Variants in PSCA observed in about 807,000 individuals in gnomAD.
The protein encoded by PSCA is prostate stem cell antigen.
PSCA carries 7 observed loss-of-function variants against 7.9 expected under a neutral mutation model. That is an observed-to-expected ratio of 0.89 (90% CI 0.51 to 1.67). The LOEUF is 1.67. PSCA is among the 40% of genes most tolerant of loss of function. The probability of loss-of-function intolerance (pLI) is 0.00; values close to 1 mark genes in which losing one functional copy is unlikely to be tolerated. For synonymous variants in PSCA, 61 were observed against 68.3 expected (o/e 0.89, Z 0.53); for missense variants, 151 against 147.9 (o/e 1.02, Z -0.11).
chr8:142,681,107 A>C, intron 1 of PSCA: 1 of 541,276 alleles, frequency 1.8e-6, no homozygotes, highest in Non-Finnish European at 3.3e-6. Context: ...CTCTTCTGAA[A>C]CACACGGTCA....
upstream of PSCA, chr8:142,680,469 T>C: frequency 6.5e-7 from 1 of 1,537,366 alleles, no homozygotes; most frequent in South Asian, 1.2e-5. Flanking sequence ...TGAGGCCATA[T>C]AAAGTCACCT....
At position 142,682,591 on chromosome 8, in the gene PSCA, C is replaced by T. The variant is rs781813249; in HGVS notation, c.*459C>T. On this transcript the variant is annotated 3_prime_UTR_variant, in exon 3 of 3. Transcript: ENST00000301258. ...AGTAGAACTGGAGGACAGGAGTCGA[C>T]GTGAGTTCCTGGGAGTCTCCAGAGA... 9 of 369,746 alleles carry T rather than the reference C, an allele frequency of 2.4e-5. No homozygotes were observed. Among genetic ancestry groups the T allele is most frequent in the Admixed American group, 3.3e-5 (1 of 29,852 alleles). 22.9% of individuals were successfully genotyped at this position (369,746 alleles called of 1,614,324 possible).
chr8:142,678,466 A>G (rs1554637998), upstream of PSCA, among the ~76,000 whole-genome samples: 1 of 152,242 alleles, frequency 6.6e-6, no homozygotes, highest in African/African-American at 2.4e-5. Context: ...TGAAGGAGAC[A>G]GCAGCGGCCA....
At chr8:142,680,457 T>G, upstream of PSCA, 2 of 1,500,158 alleles carry the variant, frequency 1.3e-6, no homozygotes, top group Non-Finnish European at 9.1e-7. Flanking sequence ...CCTCTCCCCA[T>G]TTGAGGCCAT....
rs372257395 is a variant in PSCA, at chr8:142,682,014, C to T, written c.227C>T (p.Thr76Met). ...TACTACGTGGGCAAGAAGAACATCA[C>T]GTGCTGTGACACCGACTTGTGCAAC... ...QDYYVGKKNITCCDTDLCNAS... is the reference protein window; with the variant it reads ...QDYYVGKKNIMCCDTDLCNAS... Residue 76 changes from threonine to methionine, a missense_variant, in exon 3 of 3, where the codon ACG becomes ATG. Transcript: ENST00000301258. The T allele has an allele frequency of 2.0e-5, 33 of 1,613,070 alleles. No individual in the cohort carries two copies. The highest frequency in any genetic ancestry group is 3.3e-4 in the Middle Eastern group (2 of 6,084).
upstream of PSCA, among the ~76,000 whole-genome samples, chr8:142,679,034 G>T (rs587743457): frequency 1.6e-4 from 24 of 152,276 alleles, no homozygotes; most frequent in East Asian, 2.1e-3. Flanking sequence ...AGCGGGCTGG[G>T]CCTGCTCTAG....
rs369384796 is a variant in PSCA, at chr8:142,682,121, G to A, written c.334G>A (p.Gly112Ser). ...PALGLLLWGP[G>S]QL Reference sequence around the variant, plus strand: ...ACTCGGCCTGCTGCTCTGGGGACCCGGCCAGCTCTAGGCTCTGGGGGGCCC... The same window carrying A: ...ACTCGGCCTGCTGCTCTGGGGACCCAGCCAGCTCTAGGCTCTGGGGGGCCC... The change falls in exon 3 of 3, where the codon GGC becomes AGC. Residue 112 changes from glycine to serine, a missense_variant. Coordinates refer to ENST00000301258, the MANE Select transcript of PSCA (RefSeq NM_005672.5). The A allele has an allele frequency of 2.3e-4, 374 of 1,600,506 alleles. 2 individuals carry two copies. Among genetic ancestry groups the A allele is most frequent in the Non-Finnish European group, 3.0e-4 (349 of 1,178,842 alleles).
intron 1 of PSCA, among the ~76,000 whole-genome samples, chr8:142,672,760 C>A (rs587739513): frequency 6.6e-6 from 1 of 152,162 alleles, no homozygotes; most frequent in East Asian, 1.9e-4. Flanking sequence ...TCGAAAGAGG[C>A]GTCCAAAAGA....
chr8:142,674,627 T>C (rs1193580676), intron 1 of PSCA, among the ~76,000 whole-genome samples: 1 of 152,214 alleles, frequency 6.6e-6, no homozygotes, highest in East Asian at 1.9e-4. Flanking sequence ...TGTTAAAACT[T>C]TTACAAAGGC....
upstream of PSCA, among the ~76,000 whole-genome samples, chr8:142,678,052 A>G (rs1847418669): frequency 6.6e-6 from 1 of 152,078 alleles, no homozygotes; most frequent in South Asian, 2.1e-4. Flanking sequence ...ACTCAAGGTG[A>G]GACAGTGGGA....
upstream of PSCA, chr8:142,680,358 G>A (rs900062969): frequency 1.5e-6 from 1 of 647,574 alleles, no homozygotes; most frequent in Non-Finnish European, 2.8e-6. Flanking sequence ...GGAGGTGCAG[G>A]TCGCTCAGGG....
intron 1 of PSCA, chr8:142,680,939 G>A (rs1847455436): frequency 8.5e-6 from 4 of 470,980 alleles, no homozygotes; most frequent in East Asian, 3.7e-5. Context: ...TGGGGCACAA[G>A]GGGGAGGTGC....
upstream of PSCA, among the ~76,000 whole-genome samples, chr8:142,675,714 A>G (rs587770934): frequency 7.2e-5 from 11 of 152,278 alleles, no homozygotes; most frequent in Non-Finnish European, 1.3e-4. Flanking sequence ...GTTGGCACAT[A>G]CAAACCCTCA....
At chr8:142,675,916 A>G (rs1189514488), upstream of PSCA, 1 of 152,216 alleles carries the variant, frequency 6.6e-6, no homozygotes, top group African/African-American at 2.4e-5. Flanking sequence ...GTGACATGCT[A>G]TCTTTATTTT....
intron 1 of PSCA, among the ~76,000 whole-genome samples, chr8:142,670,969 A>G (rs1219783244): frequency 6.6e-6 from 1 of 152,242 alleles, no homozygotes; most frequent in Non-Finnish European, 1.5e-5. Flanking sequence ...ATCTTCCCGT[A>G]TACGTTAAGT....
intron 1 of PSCA, chr8:142,680,815 G>A: frequency 1.7e-6 from 1 of 588,204 alleles, no homozygotes; most frequent in South Asian, 2.1e-5. Context: ...ACCACCGTGG[G>A]GCAGGGCCTG....
chr8:142,675,122 G>A (rs782493328), intron 1 of PSCA, among the ~76,000 whole-genome samples: 1 of 152,250 alleles, frequency 6.6e-6, no homozygotes, highest in Non-Finnish European at 1.5e-5. Context: ...TAGCAGGGGT[G>A]GCTGGGGGTG....
At chr8:142,675,192 G>A (rs587631396) in intron 1 of PSCA, among the ~76,000 whole-genome samples, 110 of 152,348 alleles carry the variant, frequency 7.2e-4, no homozygotes, top group African/African-American at 2.5e-3. Context: ...TCCCCAGTCT[G>A]AGTTCACTCC....
intron 1 of PSCA, 172 bp downstream of exon 1, chr8:142,680,735 G>A: frequency 1.2e-6 from 1 of 857,534 alleles, no homozygotes; most frequent in Non-Finnish European, 1.8e-6. Context: ...GGCACGACCA[G>A]GCAGCGACCT....
Sources: gnomAD v4.1 joint callset for allele counts (sites outside exome capture counted in the v4.1 genomes callset) on GRCh38, gnomAD v4.1.1 for gene constraint, MANE v1.5 for transcripts, NCBI Gene and HGNC (gene_info 2026-07-23, HGNC 2026-07-21) for gene names.